Variants in VCAN observed in about 807,000 individuals in gnomAD.
VCAN encodes versican core protein.
VCAN carries 44 observed loss-of-function variants against 245.5 expected under a neutral mutation model. The ratio of observed to expected loss-of-function variants is 0.18; its 90% CI spans 0.14 to 0.23. The LOEUF is 0.23. Among genes scored for constraint, VCAN ranks in the 10% least tolerant of loss-of-function variants. VCAN has a pLI of 1.00. For missense variants in VCAN, 3,793 were observed against 4,057.9 expected, an observed-to-expected ratio of 0.93 and a Z score of 1.77; for synonymous variants, 1,413 against 1,437.0, an observed-to-expected ratio of 0.98 and a Z score of 0.38.
At chr5:83,575,455 T>C (rs1184532771) in intron 13 of VCAN, among the ~76,000 whole-genome samples, 1 of 152,244 alleles carries the variant, frequency 6.6e-6, no homozygotes, top group East Asian at 1.9e-4. Flanking sequence ...ATGTCATGTT[T>C]GCCCTCTTAT....
intron 5 of VCAN, among the ~76,000 whole-genome samples, chr5:83,501,937 G>A (rs1745341217): frequency 6.6e-6 from 1 of 152,016 alleles, no homozygotes; most frequent in Non-Finnish European, 1.5e-5. Flanking sequence ...ATGTCTTTCT[G>A]CTATTTTTTA....
At position 83,540,625 on chromosome 5, in the gene VCAN, A is replaced by G; in HGVS notation, c.7622A>G (p.Glu2541Gly). ...TLKPNRKKPT[E>G]NIIIDLDKED... ...AAACCTAACAGAAAAAAACCCACTGAAAATATTATCATAGACCTGGACAAA... is the reference window on the plus strand; with the variant it reads ...AAACCTAACAGAAAAAAACCCACTGGAAATATTATCATAGACCTGGACAAA... Residue 2541 changes from glutamate (E) to glycine (G), a missense_variant, in exon 8 of 15, where the codon GAA (glutamate) becomes GGA (glycine). Physicochemically the swap from Glu to Gly is moderately conservative, Grantham distance 98. Around this residue, in one of 5 missense-constraint regions of VCAN, gnomAD observed 3,182 missense variants for 3,250.3 expected, o/e 0.98. Coordinates refer to ENST00000265077, the MANE Select transcript of VCAN (RefSeq NM_004385.5). 1 of 1,613,906 alleles carries G rather than the reference A, an allele frequency of 6.2e-7. No individual in the cohort carries two copies. Among genetic ancestry groups the G allele is most frequent in the Non-Finnish European group, 8.5e-7 (1 of 1,179,964 alleles).
chr5:83,491,887 A>T (rs1425075707), intron 3 of VCAN, among the ~76,000 whole-genome samples: 1 of 152,210 alleles, frequency 6.6e-6, no homozygotes, highest in Non-Finnish European at 1.5e-5. Flanking sequence ...ATCAACATTA[A>T]ACTAATCTAA....
At chr5:83,475,175 C>CT (rs1744342454) in intron 1 of VCAN, among the ~76,000 whole-genome samples, 1 of 152,140 alleles carries the variant, frequency 6.6e-6, no homozygotes, top group African/African-American at 2.4e-5. Flanking sequence ...ACTGAGGTTC[C>CT]TGTGCCTCAA....
At chr5:83,514,734 C>T (rs1282045309) in intron 6 of VCAN, among the ~76,000 whole-genome samples, 1 of 152,164 alleles carries the variant, frequency 6.6e-6, no homozygotes, top group African/African-American at 2.4e-5. Context: ...GCTGGGATTA[C>T]AGGAGTGAGC....
rs755109498 is a variant in VCAN at position 83,539,501 on chromosome 5, T to A, written c.6498T>A (p.Asp2166Glu). 2 of 1,613,950 alleles carry A rather than the reference T, an allele frequency of 1.2e-6. No individual in the cohort carries two copies. Among genetic ancestry groups the A allele is most frequent in the South Asian group, 2.2e-5 (2 of 91,076 alleles). The change falls in exon 8 of 15, where the codon GAT becomes GAA. Residue 2166 changes from aspartate (D) to glutamate (E), a missense_variant. Coordinates refer to ENST00000265077, the MANE Select transcript of VCAN (RefSeq NM_004385.5). ...SVLTTKKTYSDDKEMKEEDTS... is the reference protein window; with the variant it reads ...SVLTTKKTYSEDKEMKEEDTS... ...TAACAACAAAGAAAACTTACAGTGA[T>A]GATAAAGAAATGAAGGAGGAAGACA...
At chr5:83,527,344 G>C (rs1388859523) in intron 7 of VCAN, among the ~76,000 whole-genome samples, 1 of 152,204 alleles carries the variant, frequency 6.6e-6, no homozygotes, top group African/African-American at 2.4e-5. Context: ...TCTGGTGCCT[G>C]CACACCTCCG....
Position 83,490,282 on chromosome 5 carries a change from G to T in VCAN, c.255G>T (p.Val85=). The change falls in exon 3 of 15, where the codon GTG becomes GTT. Residue 85 remains valine, a synonymous_variant. Coordinates refer to ENST00000265077, the MANE Select transcript of VCAN (RefSeq NM_004385.5). ...GKDLKETTVL[V]AQNGNIKIGQ... ...ATTTGAAAGAGACTACTGTCCTTGT[G>T]GCCCAAAATGGAAATATCAAGATTG... 1 of 1,614,182 alleles carries T rather than the reference G, an allele frequency of 6.2e-7. No homozygotes were observed.
In VCAN at chr5:83,541,030, C is replaced by T. The variant is rs765468715; in HGVS notation, c.8027C>T (p.Ala2676Val). ...MGFHFTTGIP[A>V]PSTETELDVL... is the part of the protein sequence containing the mutation. ...TTTCACTTCACAACTGGGATCCCTG[C>T]TCCTAGCACAGAAACAGAATTAGAC... The change falls in exon 8 of 15, where the codon GCT becomes GTT. Residue 2676 changes from alanine to valine, a missense_variant. Ala to Val is a moderately conservative substitution (Grantham distance 64, BLOSUM62 0). Around this residue, in one of 5 missense-constraint regions of VCAN, gnomAD observed 3,182 missense variants for 3,250.3 expected, o/e 0.98. Transcript: ENST00000265077. 1 of 1,614,062 alleles carries T rather than the reference C, an allele frequency of 6.2e-7. No homozygotes were observed. Among genetic ancestry groups the T allele is most frequent in the South Asian group, 1.1e-5 (1 of 91,086 alleles).
chr5:83,545,511 T>C, intron 8 of VCAN, 26 bp from the exon 9 acceptor site: 1 of 1,599,444 alleles, frequency 6.3e-7, no homozygotes, highest in East Asian at 2.2e-5. Flanking sequence ...GCCTAACTGC[T>C]TTTCTTACTT....
At chr5:83,485,556 G>A (rs1288642949) in intron 2 of VCAN, among the ~76,000 whole-genome samples, 1 of 152,164 alleles carries the variant, frequency 6.6e-6, no homozygotes, top group African/African-American at 2.4e-5. Flanking sequence ...AAGGGTAGCA[G>A]CAGAGATATC....
At chr5:83,475,944 A>T (rs1242409841) in intron 1 of VCAN, among the ~76,000 whole-genome samples, 1 of 152,180 alleles carries the variant, frequency 6.6e-6, no homozygotes. Flanking sequence ...ATCCCCCTAG[A>T]TTTACATAGG....
At chr5:83,472,211 G>C (rs1744217942) in intron 1 of VCAN, among the ~76,000 whole-genome samples, 188 bp downstream of exon 1, 1 of 151,966 alleles carries the variant, frequency 6.6e-6, no homozygotes, top group Non-Finnish European at 1.5e-5. Context: ...CTTTTGGGGA[G>C]AGGCATACAG....
rs147540516 is a variant in VCAN, at chr5:83,560,841, C to T, written c.9735+5803C>T. 5.2e-3 allele frequency among the ~76,000 whole-genome samples: 787 copies of T among 152,202 alleles called. 4 individuals carry two copies. Among genetic ancestry groups the T allele is most frequent in the African/African-American group, 0.018 (764 of 41,528 alleles). ...CTGGGCTCCACATTGTTCCTTTCTT[C>T]AATGATTCCCCCCAGCACCATCAAA... On this transcript the variant is annotated intron_variant, in intron 12 of 14. Coordinates refer to ENST00000265077, the MANE Select transcript of VCAN (RefSeq NM_004385.5).
chr5:83,519,346 T>C lies in VCAN; in HGVS notation c.1043-3T>C. The C allele has an allele frequency of 6.2e-7, 1 of 1,613,604 alleles. No homozygotes were observed. Among genetic ancestry groups the C allele is most frequent in the South Asian group, 1.1e-5 (1 of 91,002 alleles). On this transcript the variant is annotated splice_polypyrimidine_tract_variant and splice_region_variant and intron_variant, in intron 6 of 14. Coordinates refer to ENST00000265077, the MANE Select transcript of VCAN (RefSeq NM_004385.5). ...AATCAACTCTTTGAAATTATTTTTCTAGCTAAAGAGGCTACAACCATCGAT... is the reference window on the plus strand; with the variant it reads ...AATCAACTCTTTGAAATTATTTTTCCAGCTAAAGAGGCTACAACCATCGAT...
At chr5:83,560,883 T>C (rs578159707) in intron 12 of VCAN, among the ~76,000 whole-genome samples, 1 of 152,224 alleles carries the variant, frequency 6.6e-6, no homozygotes, top group African/African-American at 2.4e-5. Context: ...CCTTCCCCAC[T>C]GGACACTGGT....
intron 12 of VCAN, among the ~76,000 whole-genome samples, chr5:83,568,733 G>A (rs908052524): frequency 2.0e-5 from 3 of 152,118 alleles, no homozygotes; most frequent in Non-Finnish European, 4.4e-5. Flanking sequence ...ATTTTATAAA[G>A]TTCATTTTTA....
rs763760152 is a variant in VCAN at position 83,495,788 on chromosome 5, CA to C, written c.748+1860del. 5.9e-5 allele frequency among the ~76,000 whole-genome samples: 9 copies of C among 152,038 alleles called. No individual in the cohort carries two copies. The East Asian group carries it at 9.7e-4, about 16-fold the overall frequency. On this transcript the variant is annotated intron_variant, in intron 5 of 14. Transcript: ENST00000265077. The stretch of plus-strand genomic sequence containing the variant: ...TCTAATTAACCTAAAAGATCTTTAC[CA>C]AATATTATTTAAATGGTGGGCTTTC...
Position 83,540,634 on chromosome 5 carries a change from T to A in VCAN, c.7631T>A (p.Ile2544Asn). ...PNRKKPTENI[I>N]IDLDKEDKDL... ...AGAAAAAAACCCACTGAAAATATTA[T>A]CATAGACCTGGACAAAGAGGACAAG... Residue 2544 changes from isoleucine (I) to asparagine (N), a missense_variant, in exon 8 of 15, where the codon ATC becomes AAC. Ile to Asn is a moderately radical substitution (Grantham distance 149). Around this residue, in one of 5 missense-constraint regions of VCAN, gnomAD observed 3,182 missense variants for 3,250.3 expected, o/e 0.98. Coordinates refer to ENST00000265077, the MANE Select transcript of VCAN (RefSeq NM_004385.5). 1.2e-6 allele frequency: 2 copies of A among 1,613,796 alleles called. No individual in the cohort carries two copies. The highest frequency in any genetic ancestry group is 1.7e-6 in the Non-Finnish European group (2 of 1,179,952).
Sources: gnomAD v4.1 joint callset for allele counts (sites outside exome capture counted in the v4.1 genomes callset) on GRCh38, gnomAD v4.1.1 for gene constraint, gnomAD v4.1.1 regional missense constraint, MANE v1.5 for transcripts, NCBI Gene and HGNC (gene_info 2026-07-23, HGNC 2026-07-21) for gene names.